The following PPM1E variants were observed in gnomAD, a reference collection of about 807,000 sequenced individuals.
The protein encoded by PPM1E is protein phosphatase 1E.
In PPM1E, 20 loss-of-function variants were observed where a neutral mutation model predicts 65.9. The observed-to-expected ratio is 0.30, with a 90% CI of 0.21 to 0.44. PPM1E has a LOEUF of 0.44. Ranked by LOEUF, PPM1E falls within the 20% of genes least tolerant of loss-of-function variation. The pLI is 1.00. For missense variants in PPM1E, 713 were observed against 953.1 expected (o/e 0.75, Z 3.32); for synonymous variants, 352 against 374.9 (o/e 0.94, Z 0.70).
At chr17:58,920,900 G>A (rs2143533100) in intron 1 of PPM1E, among the ~76,000 whole-genome samples, 1 of 152,230 alleles carries the variant, frequency 6.6e-6, no homozygotes, top group South Asian at 2.1e-4. Context: ...TAGAGATCAG[G>A]AAAAGAGAAA....
chr17:58,772,034 ATTC>A (rs1349523073), intron 1 of PPM1E, among the ~76,000 whole-genome samples: 1 of 152,190 alleles, frequency 6.6e-6, no homozygotes, highest in East Asian at 1.9e-4. Flanking sequence ...AAGGAAATTA[ATTC>A]TTAGAGACAT....
At chr17:58,800,001 A>C (rs2050243991) in intron 1 of PPM1E, among the ~76,000 whole-genome samples, 1 of 152,224 alleles carries the variant, frequency 6.6e-6, no homozygotes, top group South Asian at 2.1e-4. Context: ...CTGTTTCTAC[A>C]ACATTCCTGG....
chr17:58,845,242 A>G (rs547554049), intron 1 of PPM1E, among the ~76,000 whole-genome samples: 34 of 151,392 alleles, frequency 2.2e-4, no homozygotes, highest in Non-Finnish European at 4.1e-4. Flanking sequence ...CAACCTAGCA[A>G]GTGGATTTAC....
chr17:58,785,029 A>G (rs1249665657), intron 1 of PPM1E, among the ~76,000 whole-genome samples: 2 of 151,974 alleles, frequency 1.3e-5, no homozygotes, highest in Non-Finnish European at 2.9e-5. Context: ...TTCTTTTGTC[A>G]CATGTCCTTT....
chr17:58,957,362 G>A (rs1157366344), intron 2 of PPM1E, among the ~76,000 whole-genome samples: 1 of 152,194 alleles, frequency 6.6e-6, no homozygotes, highest in Non-Finnish European at 1.5e-5. Context: ...TACTTTGGAA[G>A]AATTTTTTGA....
At chr17:58,917,037 C>G (rs1160554339) in intron 1 of PPM1E, among the ~76,000 whole-genome samples, 2 of 151,846 alleles carry the variant, frequency 1.3e-5, no homozygotes, top group African/African-American at 4.8e-5. Flanking sequence ...TGGTGAAACC[C>G]CGTCTCTACT....
intron 1 of PPM1E, among the ~76,000 whole-genome samples, chr17:58,773,073 T>A (rs1389945469): frequency 6.6e-6 from 1 of 152,066 alleles, no homozygotes; most frequent in Non-Finnish European, 1.5e-5. Flanking sequence ...CTGTTCCCAT[T>A]TCAACTATGC....
chr17:58,837,435 A>T (rs879840441), intron 1 of PPM1E, among the ~76,000 whole-genome samples: 1 of 150,782 alleles, frequency 6.6e-6, no homozygotes, highest in Non-Finnish European at 1.5e-5. Flanking sequence ...AATTTATTGG[A>T]CTTTTAATTT....
At chr17:58,786,633 G>A (rs139084519) in intron 1 of PPM1E, among the ~76,000 whole-genome samples, 11 of 152,252 alleles carry the variant, frequency 7.2e-5, no homozygotes, top group Non-Finnish European at 1.2e-4. Flanking sequence ...TTGTTTATTT[G>A]TAGAATTTTC....
chr17:58,941,857 T>A (rs948655309), intron 1 of PPM1E, among the ~76,000 whole-genome samples: 4 of 149,644 alleles, frequency 2.7e-5, no homozygotes, highest in Non-Finnish European at 4.4e-5. Flanking sequence ...ATACAAAAAT[T>A]AGCTGGGCGT....
chr17:58,981,739 T>C lies in PPM1E; in HGVS notation c.*708T>C, dbSNP rs1598722048. ...GTAGTTATTTGGGAGTTTCATAACC[T>C]GTTATGGTGCTTTTGGTGGAAATTT... On this transcript the variant is annotated 3_prime_UTR_variant, in exon 7 of 7. Coordinates refer to ENST00000308249, the MANE Select transcript of PPM1E (RefSeq NM_014906.5). 9.1e-6 allele frequency: 1 copy of C among 110,408 alleles called. No homozygotes were observed. The highest frequency in any genetic ancestry group is 1.8e-5 in the Non-Finnish European group (1 of 54,816). The allele number at this position is 110,408 out of a possible 1,614,324, so 6.8% of individuals were successfully genotyped here.
At chr17:58,861,879 A>T (rs1320186298) in intron 1 of PPM1E, among the ~76,000 whole-genome samples, 1 of 152,144 alleles carries the variant, frequency 6.6e-6, no homozygotes, top group Non-Finnish European at 1.5e-5. Context: ...TAGTGAGCCT[A>T]GATTGCACCA....
At position 58,852,331 on chromosome 17, in the gene PPM1E, G is replaced by A. The variant is rs192770815; in HGVS notation, c.464+95870G>A. On this transcript the variant is annotated intron_variant, in intron 1 of 6. Coordinates refer to ENST00000308249, the MANE Select transcript of PPM1E (RefSeq NM_014906.5). ...TCAGTTGGAAATGCAGAAATCACCC[G>A]TCTTCTGTGTTGCTCATGCTGGGAG... 3.3e-3 allele frequency among the ~76,000 whole-genome samples: 508 copies of A among 152,250 alleles called. 2 individuals carry two copies. Among genetic ancestry groups the A allele is most frequent in the Admixed American group, 7.0e-3 (107 of 15,296 alleles).
intron 1 of PPM1E, among the ~76,000 whole-genome samples, chr17:58,945,659 T>G (rs2052140012): frequency 6.6e-6 from 1 of 152,222 alleles, no homozygotes; most frequent in Admixed American, 6.5e-5. Context: ...TCTGACCAAC[T>G]GGTTATAAAT....
chr17:58,949,986 T>A (rs1188282417), intron 1 of PPM1E, among the ~76,000 whole-genome samples: 1 of 152,222 alleles, frequency 6.6e-6, no homozygotes, highest in Non-Finnish European at 1.5e-5. Context: ...GCTAGTCTAA[T>A]GGAGATTCCC....
intron 1 of PPM1E, among the ~76,000 whole-genome samples, chr17:58,791,527 C>T (rs571085807): frequency 3.9e-5 from 6 of 152,184 alleles, no homozygotes; most frequent in East Asian, 1.9e-4. Flanking sequence ...CAGAGAAGTC[C>T]GTAACTCCAA....
At chr17:58,816,771 TATATATATATATATATATATA>T (rs1247517426) in intron 1 of PPM1E, among the ~76,000 whole-genome samples, 403 of 17,216 alleles carry the variant, frequency 0.023, 17 homozygotes, top group African/African-American at 0.066. Context: ...TATATATATA[TATATATATATATATATATATA>T]TATTTTTTTT....
intron 6 of PPM1E, among the ~76,000 whole-genome samples, chr17:58,976,550 T>G (rs1038239068): frequency 2.0e-5 from 3 of 152,164 alleles, no homozygotes; most frequent in African/African-American, 7.2e-5. Context: ...TTCAACAGTT[T>G]CTCCCCATGA....
At chr17:58,820,042 A>AT (rs1423965741) in intron 1 of PPM1E, among the ~76,000 whole-genome samples, 4 of 152,066 alleles carry the variant, frequency 2.6e-5, no homozygotes, top group African/African-American at 4.8e-5. Flanking sequence ...ATTTCAAACA[A>AT]AAAATAAATA....
Sources: gnomAD v4.1 joint callset for allele counts (sites outside exome capture counted in the v4.1 genomes callset) on GRCh38, gnomAD v4.1.1 for gene constraint, MANE v1.5 for transcripts, NCBI Gene and HGNC (gene_info 2026-07-23, HGNC 2026-07-21) for gene names.